The following MAMLD1 variants were observed in gnomAD, a reference collection of about 807,000 sequenced individuals.
MAMLD1 encodes the protein mastermind-like domain-containing protein 1.
A neutral mutation model predicts 45.0 loss-of-function variants in MAMLD1; 14 were observed. The observed-to-expected ratio is 0.31, with a 90% confidence interval of 0.21 to 0.49. The LOEUF is 0.49. MAMLD1 is among the 20% of genes least tolerant of loss of function. MAMLD1 has a pLI of 0.99. For missense variants in MAMLD1, 543 were observed against 603.6 expected, an observed-to-expected ratio of 0.90 and a Z score of 1.05; for synonymous variants, 254 against 247.8, an observed-to-expected ratio of 1.02 and a Z score of -0.24.
intron 1 of MAMLD1, among the ~76,000 whole-genome samples, chrX:150,384,561 G>T (rs1422448302): frequency 9.0e-6 from 1 of 111,327 alleles, no homozygotes; most frequent in African/African-American, 3.3e-5. Flanking sequence ...CCATTCTGTG[G>T]GTCATATTTA....
chrX:150,455,762 T>TTTC (rs150166343), intron 2 of MAMLD1, among the ~76,000 whole-genome samples: 1 of 88,960 alleles, frequency 1.1e-5, no homozygotes, highest in Admixed American at 1.3e-4. Flanking sequence ...TGCAGAAGGT[T>TTTC]TTCTTCTTCT....
chrX:150,364,871 G>A (rs925819355), intron 1 of MAMLD1, among the ~76,000 whole-genome samples: 2 of 112,353 alleles, frequency 1.8e-5, no homozygotes, highest in African/African-American at 6.4e-5. Context: ...GCCCCGGCCC[G>A]CGCCTGGGGA....
At chrX:150,421,426 G>A (rs781997466) in intron 1 of MAMLD1, among the ~76,000 whole-genome samples, 2 of 112,654 alleles carry the variant, frequency 1.8e-5, no homozygotes, top group South Asian at 7.3e-4. Context: ...GCTGTAGACC[G>A]GAGCTGTTCC....
At chrX:150,380,099 C>T (rs886561940) in intron 1 of MAMLD1, among the ~76,000 whole-genome samples, 1 of 112,096 alleles carries the variant, frequency 8.9e-6, no homozygotes, top group Admixed American at 9.4e-5. Context: ...TTAGGTATTG[C>T]CAAATTCCCC....
intron 1 of MAMLD1, among the ~76,000 whole-genome samples, chrX:150,368,801 T>A (rs1274256283): frequency 8.9e-6 from 1 of 112,140 alleles, no homozygotes. Context: ...TTTCCCAGCA[T>A]CTTTTATTAA....
chrX:150,478,638 A>T (rs934234841), intron 5 of MAMLD1, among the ~76,000 whole-genome samples: 1 of 112,642 alleles, frequency 8.9e-6, no homozygotes, highest in Non-Finnish European at 1.9e-5. Flanking sequence ...CAGTCAAATG[A>T]TAAGTAAGGA....
chrX:150,456,606 T>A (rs367742856), intron 2 of MAMLD1, among the ~76,000 whole-genome samples: 2 of 111,625 alleles, frequency 1.8e-5, no homozygotes, highest in South Asian at 7.5e-4. Flanking sequence ...CCCTAAAAAG[T>A]CTTTGCTACT....
intron 5 of MAMLD1, among the ~76,000 whole-genome samples, chrX:150,498,028 G>A (rs1421933152): frequency 9.0e-6 from 1 of 110,991 alleles, no homozygotes; most frequent in African/African-American, 3.3e-5. Context: ...ATGACCCTAG[G>A]AAAGGGTCAG....
Position 150,471,254 on chromosome X carries a change from C to G in MAMLD1, c.1681C>G (p.Pro561Ala), listed in dbSNP as rs782599729. 75 of 1,209,827 alleles carry G rather than the reference C, an allele frequency of 6.2e-5. No homozygotes were observed. The highest frequency in any genetic ancestry group is 8.2e-5 in the Non-Finnish European group (73 of 895,201). Residue 561 changes from proline (P) to alanine (A), a missense_variant, in exon 4 of 8, where the codon CCT becomes GCT. Coordinates refer to ENST00000370401, the MANE Select transcript of MAMLD1 (RefSeq NM_005491.5). Reference sequence around the variant, plus strand: ...GGGTCCCCAGAAGATGCCCTCCATGCCTACCACCTCTAGGCAGCCTTCCCT... The same window carrying G: ...GGGTCCCCAGAAGATGCCCTCCATGGCTACCACCTCTAGGCAGCCTTCCCT... ...EPGPQKMPSM[P>A]TTSRQPSLLH...
intron 1 of MAMLD1, among the ~76,000 whole-genome samples, chrX:150,374,035 G>C (rs1557401360): frequency 1.8e-5 from 2 of 112,061 alleles, no homozygotes; most frequent in African/African-American, 6.5e-5. Flanking sequence ...ACCCCAGTTG[G>C]TCTCTTGAAC....
intron 1 of MAMLD1, among the ~76,000 whole-genome samples, chrX:150,428,670 C>G (rs2034803608): frequency 8.9e-6 from 1 of 112,159 alleles, no homozygotes; most frequent in Non-Finnish European, 1.9e-5. Flanking sequence ...AAAGAAGAAA[C>G]AAAGCTGTGT....
intron 1 of MAMLD1, among the ~76,000 whole-genome samples, chrX:150,403,103 C>T (rs1401875933): frequency 9.0e-6 from 1 of 111,211 alleles, no homozygotes; most frequent in Non-Finnish European, 1.9e-5. Flanking sequence ...GGTCCATACA[C>T]TGAAATATGA....
intron 5 of MAMLD1, among the ~76,000 whole-genome samples, chrX:150,475,427 A>G (rs2036556411): frequency 8.9e-6 from 1 of 112,287 alleles, no homozygotes; most frequent in Non-Finnish European, 1.9e-5. Flanking sequence ...CAAACGCTTG[A>G]GTAAGCTGAA....
At chrX:150,386,286 C>A (rs7890676) in intron 1 of MAMLD1, among the ~76,000 whole-genome samples, 23,438 of 110,815 alleles carry the variant, frequency 0.21, 1,981 homozygotes, top group Non-Finnish European at 0.27. Flanking sequence ...TAGTGTAATC[C>A]TTCCAGACTT....
chrX:150,370,115 ACCAACCCAGATGT>A (rs1270713087), intron 1 of MAMLD1, among the ~76,000 whole-genome samples: 1 of 109,338 alleles, frequency 9.1e-6, no homozygotes, highest in African/African-American at 3.3e-5. Context: ...GTGTGAATAG[ACCAACCCAGATGT>A]CACTGGGGAG....
intron 6 of MAMLD1, 54 bp downstream of exon 6, chrX:150,503,571 C>T (rs2037631712): frequency 1.3e-6 from 1 of 754,116 alleles, no homozygotes; most frequent in Admixed American, 2.6e-5. Context: ...GGGGCACAGT[C>T]CCCTGCTCAG....
At chrX:150,426,377 T>C (rs1569564750) in intron 1 of MAMLD1, among the ~76,000 whole-genome samples, 1 of 111,736 alleles carries the variant, frequency 8.9e-6, no homozygotes, top group Admixed American at 9.5e-5. Context: ...CTTCCCAACA[T>C]CCAGGCCGGA....
At chrX:150,373,758 G>A (rs982579659) in intron 1 of MAMLD1, among the ~76,000 whole-genome samples, 4 of 111,755 alleles carry the variant, frequency 3.6e-5, no homozygotes, top group African/African-American at 9.8e-5. Flanking sequence ...TCCTCAGCCC[G>A]CTGTACCTTA....
At chrX:150,406,175 A>T (rs1030707028) in intron 1 of MAMLD1, among the ~76,000 whole-genome samples, 3 of 111,196 alleles carry the variant, frequency 2.7e-5, no homozygotes, top group African/African-American at 9.8e-5. Context: ...AGGACCTTAT[A>T]GTGTCTCTTT....
Sources: gnomAD v4.1 joint callset for allele counts (sites outside exome capture counted in the v4.1 genomes callset) on GRCh38, gnomAD v4.1.1 for gene constraint, MANE v1.5 for transcripts, NCBI Gene and HGNC (gene_info 2026-07-23, HGNC 2026-07-21) for gene names.